Variants in KANK1 observed in about 807,000 individuals in gnomAD.
The protein encoded by KANK1 is KN motif and ankyrin repeat domains 1.
Under a neutral mutation model 106.2 loss-of-function variants are expected in KANK1, and 109 were observed. The observed-to-expected ratio is 1.03, with a 90% CI of 0.88 to 1.20. KANK1 has a LOEUF of 1.20. KANK1 is among the 50% of genes most tolerant of loss of function. The probability of loss-of-function intolerance (pLI) is 0.00; values close to 1 mark genes in which losing one functional copy is unlikely to be tolerated. For missense variants in KANK1, 2,399 were observed against 1,710.7 expected (o/e 1.40, Z -7.10); for synonymous variants, 873 against 652.2 (o/e 1.34, Z -5.16).
Position 518,815 on chromosome 9 carries a change from G to C in KANK1, c.-84+14061G>C, listed in dbSNP as rs1399977129. Among the ~76,000 whole-genome samples the C allele has an allele frequency of 3.3e-5, 5 of 151,624 alleles. No individual in the cohort carries two copies. The South Asian group carries it at 1.0e-3, about 31-fold the overall frequency. ...GGCAGGAAGTAAAGGGTAGAGGCAGGCTCAGGGACCCAAGTCTTGTAGGAA... is the reference window on the plus strand; with the variant it reads ...GGCAGGAAGTAAAGGGTAGAGGCAGCCTCAGGGACCCAAGTCTTGTAGGAA... On this transcript the variant is annotated intron_variant, in intron 1 of 11. Transcript: ENST00000382297.
At chr9:691,805 C>T (rs1210045116) in intron 2 of KANK1, among the ~76,000 whole-genome samples, 1 of 143,576 alleles carries the variant, frequency 7.0e-6, no homozygotes, top group African/African-American at 2.6e-5. Flanking sequence ...TTGGTAGAGA[C>T]AGAGTGTCAC....
upstream of KANK1, among the ~76,000 whole-genome samples, chr9:501,228 T>C (rs552557253): frequency 9.9e-4 from 151 of 152,332 alleles, no homozygotes; most frequent in African/African-American, 3.6e-3. Flanking sequence ...CTTAGGACTT[T>C]AAAACTCTTA....
chr9:698,480 A>C (rs1319849495), intron 2 of KANK1, among the ~76,000 whole-genome samples: 1 of 151,960 alleles, frequency 6.6e-6, no homozygotes, highest in Non-Finnish European at 1.5e-5. Context: ...TTAAAGAAAA[A>C]ATTTTCTTTT....
At chr9:494,293 C>G (rs1377109280) in intron 3 of KANK1, among the ~76,000 whole-genome samples, 1 of 152,194 alleles carries the variant, frequency 6.6e-6, no homozygotes, top group South Asian at 2.1e-4. Context: ...AGTTTACAAG[C>G]ATTCATTTTT....
At chr9:574,726 G>A (rs986197644) in intron 1 of KANK1, among the ~76,000 whole-genome samples, 2 of 151,714 alleles carry the variant, frequency 1.3e-5, no homozygotes, top group African/African-American at 4.8e-5. Context: ...ATGGTGGCAC[G>A]TGCCTGTGGT....
chr9:731,544 G>T (rs1448884640), intron 5 of KANK1: 1 of 248,986 alleles, frequency 4.0e-6, no homozygotes, highest in East Asian at 8.9e-5. Flanking sequence ...ACGCAGCAGG[G>T]TTCCTGCACT....
At chr9:552,820 T>C (rs1226891354) in intron 1 of KANK1, among the ~76,000 whole-genome samples, 1 of 152,222 alleles carries the variant, frequency 6.6e-6, no homozygotes, top group Admixed American at 6.5e-5. Context: ...GAATGAGCTA[T>C]TTTTCTACCA....
rs1310705871 is a variant in KANK1, at chr9:522,173, T to C, written c.-84+17419T>C. 2.6e-5 allele frequency among the ~76,000 whole-genome samples: 4 copies of C among 151,902 alleles called. No individual in the cohort carries two copies. The East Asian group carries it at 7.7e-4, about 29-fold the overall frequency. The stretch of plus-strand genomic sequence containing the variant: ...TAAAAAGAAATGGAGAATTTCATGA[T>C]GGTTATTTACTAATTTAGGTCTCAT... On this transcript the variant is annotated intron_variant, in intron 1 of 11. Transcript: ENST00000382297.
intron 5 of KANK1, 142 bp from the exon 6 acceptor site, chr9:732,236 C>G: frequency 1.0e-6 from 1 of 964,410 alleles, no homozygotes; most frequent in Non-Finnish European, 1.5e-6. Context: ...TTAAATAGAC[C>G]TTACTTTGAA....
Position 713,405 on chromosome 9 carries a change from C to G in KANK1, c.2639C>G (p.Ala880Gly). ...TCTATCAACTCTGTCATGAAATCTG[C>G]AAGCACTGAAGAGCTGAGGAACCCT... ...LSSINSVMKS[A>G]STEELRNPDF... Residue 880 changes from alanine (A) to glycine (G), a missense_variant, in exon 3 of 12, where the codon GCA (alanine) becomes GGA (glycine). Transcript: ENST00000382297. 1 of 1,613,120 alleles carries G rather than the reference C, an allele frequency of 6.2e-7. No homozygotes were observed. Among genetic ancestry groups the G allele is most frequent in the Non-Finnish European group, 8.5e-7 (1 of 1,179,614 alleles).
intron 1 of KANK1, among the ~76,000 whole-genome samples, chr9:530,591 A>G (rs1017302913): frequency 2.0e-5 from 3 of 152,176 alleles, no homozygotes; most frequent in Admixed American, 6.5e-5. Flanking sequence ...TTTAGTTGTG[A>G]CACTATTCTA....
At chr9:635,496 C>T (rs574409598) in intron 1 of KANK1, among the ~76,000 whole-genome samples, 1 of 151,620 alleles carries the variant, frequency 6.6e-6, no homozygotes, top group South Asian at 2.1e-4. Context: ...ACTAATACCA[C>T]GCACAGATGG....
chr9:566,255 C>G (rs1451416721), intron 1 of KANK1, among the ~76,000 whole-genome samples: 2 of 152,126 alleles, frequency 1.3e-5, no homozygotes, highest in Non-Finnish European at 2.9e-5. Context: ...ATCCACTGTA[C>G]CACTGATGGG....
At chr9:670,721 A>T (rs1396563027) in intron 1 of KANK1, among the ~76,000 whole-genome samples, 1 of 152,166 alleles carries the variant, frequency 6.6e-6, no homozygotes, top group Non-Finnish European at 1.5e-5. Flanking sequence ...GGCTGTCCAC[A>T]GGGTGGTATC....
At position 732,414 on chromosome 9, in the gene KANK1, T is replaced by G; in HGVS notation, c.3042T>G (p.Asp1014Glu). The G allele has an allele frequency of 6.2e-7, 1 of 1,614,062 alleles. No individual in the cohort carries two copies. The highest frequency in any genetic ancestry group is 2.2e-5 in the East Asian group (1 of 44,882). ...CTTCAAGTGATGATTCCAGCTCAGA[T>G]GAAAGCTCTTCTTCCGAGTCAGATG... ...ETTSSDDSSS[D>E]ESSSSESDDE... Residue 1014 changes from aspartate (D) to glutamate (E), a missense_variant, in exon 6 of 12, where the codon GAT (aspartate) becomes GAG (glutamate). Coordinates refer to ENST00000382297, the MANE Select transcript of KANK1 (RefSeq NM_015158.5).
intron 1 of KANK1, among the ~76,000 whole-genome samples, chr9:608,943 T>C (rs142233824): frequency 2.5e-4 from 38 of 152,272 alleles, no homozygotes; most frequent in Non-Finnish European, 4.9e-4. Flanking sequence ...GCATGGGAAA[T>C]AACACATGGG....
intron 2 of KANK1, among the ~76,000 whole-genome samples, chr9:472,814 C>T: frequency 6.6e-6 from 1 of 152,208 alleles, no homozygotes; most frequent in Admixed American, 6.5e-5. Context: ...CTGGTGCAGG[C>T]ATGACAGCCA....
chr9:744,900 T>C, intron 11 of KANK1: 1 of 1,416,942 alleles, frequency 7.1e-7, no homozygotes, highest in Non-Finnish European at 9.2e-7. Flanking sequence ...GCCATGGTTC[T>C]GGCATTGTTC....
intron 3 of KANK1, among the ~76,000 whole-genome samples, chr9:718,109 A>AAT (rs1422922531): frequency 6.6e-6 from 1 of 152,164 alleles, no homozygotes; most frequent in Non-Finnish European, 1.5e-5. Flanking sequence ...TCGTTCAAAT[A>AAT]ATATATCATT....
Sources: allele counts gnomAD v4.1 joint callset (sites outside exome capture counted in the v4.1 genomes callset), GRCh38; gene constraint gnomAD v4.1.1; transcripts MANE v1.5; gene names NCBI Gene and HGNC (gene_info 2026-07-23, HGNC 2026-07-21).